The following SEC22A variants were observed in gnomAD, a reference collection of about 807,000 sequenced individuals.
SEC22A encodes the protein SEC22 homolog A, vesicle trafficking protein, also known as vesicle-trafficking protein SEC22a.
In SEC22A, 22 loss-of-function variants were observed where a neutral mutation model predicts 35.3. The observed-to-expected ratio is 0.62, with a 90% CI of 0.45 to 0.89. SEC22A has a LOEUF of 0.89. Ranked by LOEUF, SEC22A falls within the 40% of genes least tolerant of loss-of-function variation. The probability of loss-of-function intolerance (pLI) is 0.00; values close to 1 mark genes in which losing one functional copy is unlikely to be tolerated. For missense variants in SEC22A, 354 were observed against 362.5 expected (o/e 0.98, Z 0.19); for synonymous variants, 119 against 129.5 (o/e 0.92, Z 0.55).
intron 4 of SEC22A, among the ~76,000 whole-genome samples, chr3:123,235,517 A>C (rs1937403607): frequency 6.6e-6 from 1 of 152,194 alleles, no homozygotes; most frequent in African/African-American, 2.4e-5. Context: ...TAAAATTAAA[A>C]AGATAGACAA....
At chr3:123,234,628 TAAC>T (rs144942515) in intron 4 of SEC22A, among the ~76,000 whole-genome samples, 29,791 of 151,874 alleles carry the variant, frequency 0.2, 2,991 homozygotes, top group Middle Eastern at 0.27. Flanking sequence ...ATCAAAAACT[TAAC>T]AACAAAACTA....
At chr3:123,246,038 C>A in intron 5 of SEC22A, 24 bp downstream of exon 5, 1 of 1,230,448 alleles carries the variant, frequency 8.1e-7, no homozygotes, top group Non-Finnish European at 1.2e-6. Flanking sequence ...TTTGCAATTT[C>A]AGGTGACTGT....
intron 5 of SEC22A, among the ~76,000 whole-genome samples, chr3:123,257,869 G>A (rs1937774681): frequency 6.6e-6 from 1 of 151,806 alleles, no homozygotes; most frequent in Non-Finnish European, 1.5e-5. Flanking sequence ...GCACGCACCT[G>A]TAGTCCCAAC....
chr3:123,209,150 A>G (rs767593920), intron 1 of SEC22A, 49 bp from the exon 2 acceptor site: 2 of 1,426,344 alleles, frequency 1.4e-6, no homozygotes, highest in Non-Finnish European at 2.0e-6. Context: ...TATGCTTATC[A>G]AGTTTGGCTT....
intron 4 of SEC22A, among the ~76,000 whole-genome samples, chr3:123,233,394 A>T (rs1937356255): frequency 6.6e-6 from 1 of 152,066 alleles, no homozygotes; most frequent in South Asian, 2.1e-4. Flanking sequence ...GTGTAAATAC[A>T]CTCTATGACG....
intron 5 of SEC22A, among the ~76,000 whole-genome samples, chr3:123,251,197 G>GT (rs1211673926): frequency 2.6e-5 from 4 of 151,876 alleles, no homozygotes; most frequent in Admixed American, 6.6e-5. Context: ...AGATTTTTTT[G>GT]TTTTTTTGTT....
At chr3:123,204,606 T>C (rs1295506439) in intron 1 of SEC22A, 1 of 152,240 alleles carries the variant, frequency 6.6e-6, no homozygotes, top group Non-Finnish European at 1.5e-5. Flanking sequence ...AGGAACTTGC[T>C]AACCACTACT....
At chr3:123,231,128 A>C (rs1937318207) in intron 4 of SEC22A, among the ~76,000 whole-genome samples, 1 of 152,206 alleles carries the variant, frequency 6.6e-6, no homozygotes, top group Non-Finnish European at 1.5e-5. Flanking sequence ...ATAAACATAC[A>C]TGCATTTAAC....
At chr3:123,266,605 T>G (rs1938031536) in intron 6 of SEC22A, among the ~76,000 whole-genome samples, 1 of 152,180 alleles carries the variant, frequency 6.6e-6, no homozygotes, top group East Asian at 1.9e-4. Context: ...ATCTTTCCCT[T>G]ACTGATTTCC....
At position 123,204,530 on chromosome 3, in the gene SEC22A, A is replaced by C. The variant is rs118087328; in HGVS notation, c.-20+2544A>C. On this transcript the variant is annotated intron_variant, in intron 1 of 6. Transcript: ENST00000492595. ...CTTTTGAGAGATAACTTCCTGAGACATTGAGCCTGTAGTCATTACCCCTAC... is the reference window on the plus strand; with the variant it reads ...CTTTTGAGAGATAACTTCCTGAGACCTTGAGCCTGTAGTCATTACCCCTAC... Among the ~76,000 whole-genome samples, 23 of 152,336 alleles carry C rather than the reference A, an allele frequency of 1.5e-4. No individual in the cohort carries two copies. The East Asian group carries it at 3.7e-3, about 24-fold the overall frequency.
In SEC22A at chr3:123,259,537, A is replaced by ATT. The variant is rs756906883; in HGVS notation, c.674_675dup (p.Asn226LeufsTer34). The ATT allele has an allele frequency of 2.5e-6, 4 of 1,612,898 alleles. No individual in the cohort carries two copies. The highest frequency in any genetic ancestry group is 3.4e-6 in the Non-Finnish European group (4 of 1,179,342). ...TTGCTTTTGCAGAGTGATGGTGATG[A>ATT]TTTTAATTACATCATTGCATTTTTC... On this transcript the variant is annotated frameshift_variant, in exon 6 of 7. Coordinates refer to ENST00000492595, the MANE Select transcript of SEC22A (RefSeq NM_012430.5). LOFTEE classifies it high-confidence loss of function.
intron 6 of SEC22A, among the ~76,000 whole-genome samples, chr3:123,265,426 A>G (rs1221687111): frequency 5.3e-5 from 8 of 151,384 alleles, no homozygotes; most frequent in Non-Finnish European, 1.0e-4. Flanking sequence ...ATCAGTCTGT[A>G]TCTTGTCTTT....
intron 5 of SEC22A, among the ~76,000 whole-genome samples, chr3:123,255,292 TTCTCTC>T (rs918237946): frequency 2.0e-5 from 3 of 152,212 alleles, no homozygotes; most frequent in African/African-American, 7.2e-5. Context: ...TTTGTTTTGT[TTCTCTC>T]TTTCTCTTCC....
intron 1 of SEC22A, among the ~76,000 whole-genome samples, chr3:123,205,259 AAG>A (rs1352295015): frequency 6.6e-6 from 1 of 152,144 alleles, no homozygotes; most frequent in African/African-American, 2.4e-5. Context: ...CTGTGGTAGA[AAG>A]AGGTTTAATT....
chr3:123,271,673 A>G lies in SEC22A; in HGVS notation c.875A>G (p.Gln292Arg), dbSNP rs1481592038. The G allele has an allele frequency of 1.2e-5, 20 of 1,614,186 alleles. No homozygotes were observed. Among genetic ancestry groups the G allele is most frequent in the Non-Finnish European group, 1.7e-5 (20 of 1,180,024 alleles). The change falls in exon 7 of 7, where the codon CAG (glutamine) becomes CGG (arginine). Residue 292 changes from glutamine (Q) to arginine (R), a missense_variant. Transcript: ENST00000492595. ...HVTVGAFVTL[Q>R]IWLRQAQGKA... ...ACTGTGGGAGCATTTGTTACACTACAGATCTGGCTAAGGCAAGCCCAGGGC... is the reference window on the plus strand; with the variant it reads ...ACTGTGGGAGCATTTGTTACACTACGGATCTGGCTAAGGCAAGCCCAGGGC...
chr3:123,256,876 C>T (rs1203982826), intron 5 of SEC22A, among the ~76,000 whole-genome samples: 1 of 151,484 alleles, frequency 6.6e-6, no homozygotes, highest in East Asian at 1.9e-4. Flanking sequence ...TCTCCTGCCT[C>T]AGCCTCCCGA....
intron 5 of SEC22A, among the ~76,000 whole-genome samples, 199 bp downstream of exon 5, chr3:123,246,213 C>T (rs926599985): frequency 6.6e-6 from 1 of 152,164 alleles, no homozygotes; most frequent in African/African-American, 2.4e-5. Context: ...ATCATCTGCT[C>T]TTTAGGAGGC....
intron 2 of SEC22A, 79 bp from the exon 3 acceptor site, chr3:123,223,480 G>A (rs1937166096): frequency 2.7e-6 from 3 of 1,124,244 alleles, no homozygotes; most frequent in South Asian, 2.7e-5. Flanking sequence ...AGTTTATGGT[G>A]TATAGAACCA....
At chr3:123,209,112 T>C (rs1218535282) in intron 1 of SEC22A, 87 bp from the exon 2 acceptor site, 4 of 1,027,216 alleles carry the variant, frequency 3.9e-6, no homozygotes, top group East Asian at 5.1e-5. Flanking sequence ...ACTATTCTTA[T>C]ATTACTAGTA....
Sources: allele counts gnomAD v4.1 joint callset (sites outside exome capture counted in the v4.1 genomes callset), GRCh38; gene constraint gnomAD v4.1.1; transcripts MANE v1.5; gene names NCBI Gene and HGNC (gene_info 2026-07-23, HGNC 2026-07-21).